GALK2: variants seen among roughly 807,000 people sequenced by gnomAD.
The protein encoded by GALK2 is galactokinase 2, also known as N-acetylgalactosamine kinase.
In GALK2, 36 loss-of-function variants were observed where a neutral mutation model predicts 52.4. That is an observed-to-expected ratio of 0.69 (90% CI 0.53 to 0.91). The LOEUF is 0.91. Ranked by LOEUF, GALK2 falls within the 40% of genes least tolerant of loss-of-function variation. The pLI, the probability that GALK2 is intolerant of heterozygous loss-of-function variation, is 0.00. For synonymous variants in GALK2, 176 were observed against 199.1 expected (o/e 0.88, Z 0.98); for missense variants, 579 against 559.1 (o/e 1.04, Z -0.36).
downstream of GALK2, chr15:49,334,282 T>C: frequency 1.0e-6 from 1 of 975,998 alleles, no homozygotes; most frequent in Non-Finnish European, 1.2e-6. Context: ...TCATTAATTC[T>C]GAGCTTTTCC....
chr15:49,303,496 A>G (rs1007722398), intron 8 of GALK2, among the ~76,000 whole-genome samples: 1 of 152,150 alleles, frequency 6.6e-6, no homozygotes, highest in Non-Finnish European at 1.5e-5. Context: ...GCCAGCAGAG[A>G]AGTAACAATG....
At chr15:49,233,559 T>C (rs570980328) in intron 3 of GALK2, among the ~76,000 whole-genome samples, 2 of 152,308 alleles carry the variant, frequency 1.3e-5, no homozygotes, top group African/African-American at 4.8e-5. Context: ...AAAATCTCTT[T>C]CTGTTTTTCT....
At chr15:49,192,497 A>ATATATATG (rs2086827725) in intron 1 of GALK2, among the ~76,000 whole-genome samples, 1 of 80,736 alleles carries the variant, frequency 1.2e-5, no homozygotes, top group Non-Finnish European at 2.7e-5. Flanking sequence ...ATATATATAT[A>ATATATATG]TATATATATA....
chr15:49,292,350 G>T lies in GALK2; in HGVS notation c.780G>T (p.Leu260Phe). The T allele has an allele frequency of 6.2e-7, 1 of 1,614,004 alleles. No homozygotes were observed. Among genetic ancestry groups the T allele is most frequent in the Non-Finnish European group, 8.5e-7 (1 of 1,179,950 alleles). The change falls in exon 8 of 10, where the codon TTG becomes TTT. Residue 260 changes from leucine to phenylalanine, a missense_variant. Transcript: ENST00000560031. ...AGCTCCTGGCTAAATACAAAAGCTT[G>T]CAATGGGACAAAGTACTGAGGCTGG... ...AAKLLAKYKSLQWDKVLRLEE... is the reference protein window; with the variant it reads ...AAKLLAKYKSFQWDKVLRLEE...
chr15:49,268,125 ATAGTT>A (rs765649392), intron 5 of GALK2, among the ~76,000 whole-genome samples: 2 of 152,200 alleles, frequency 1.3e-5, no homozygotes, highest in Non-Finnish European at 2.9e-5. Context: ...TTATCAACAA[ATAGTT>A]TAGGTATTAG....
intron 9 of GALK2, among the ~76,000 whole-genome samples, chr15:49,326,255 A>ATTTTTTTTTTT (rs35381509): frequency 9.9e-6 from 1 of 100,690 alleles, no homozygotes. Context: ...TATGACAACC[A>ATTTTTTTTTTT]TTTTTTTTTT....
intron 8 of GALK2, among the ~76,000 whole-genome samples, chr15:49,307,661 A>G (rs2035653770): frequency 6.6e-6 from 1 of 152,174 alleles, no homozygotes; most frequent in South Asian, 2.1e-4. Flanking sequence ...GAGTGAGGCA[A>G]AGGTTTTGAT....
At chr15:49,311,909 A>G (rs981720815) in intron 8 of GALK2, among the ~76,000 whole-genome samples, 3 of 152,204 alleles carry the variant, frequency 2.0e-5, no homozygotes, top group Non-Finnish European at 2.9e-5. Flanking sequence ...CTGTGGGCCA[A>G]TGGTAGGCAC....
chr15:49,232,568 T>C (rs2090561969), intron 3 of GALK2, among the ~76,000 whole-genome samples: 1 of 152,222 alleles, frequency 6.6e-6, no homozygotes, highest in Non-Finnish European at 1.5e-5. Flanking sequence ...ATGGCCAGCC[T>C]TCAAATTTTT....
chr15:49,339,196 A>G (rs8039064), intron 3 of GALK2, among the ~76,000 whole-genome samples: 144,851 of 152,180 alleles, frequency 0.95, 69,003 homozygotes, highest in African/African-American at 0.98. Flanking sequence ...GTGATTCTTT[A>G]GCAGAGAAGA....
intron 5 of GALK2, among the ~76,000 whole-genome samples, chr15:49,280,982 A>G (rs967664018): frequency 2.0e-5 from 3 of 152,172 alleles, no homozygotes; most frequent in Non-Finnish European, 2.9e-5. Flanking sequence ...GACTACGGGC[A>G]TGCACCACAA....
intron 5 of GALK2, among the ~76,000 whole-genome samples, chr15:49,260,231 C>T (rs932549385): frequency 3.3e-5 from 5 of 151,676 alleles, no homozygotes; most frequent in African/African-American, 1.2e-4. Flanking sequence ...TCCACATCCT[C>T]TCCAGCACCT....
chr15:49,156,045 G>A (rs1367137606), intron 1 of GALK2: 9 of 1,613,080 alleles, frequency 5.6e-6, no homozygotes, highest in Non-Finnish European at 7.6e-6. Context: ...TTGTACGTGT[G>A]CATTTAGCCC....
chr15:49,269,395 C>T (rs1024884345), intron 5 of GALK2, among the ~76,000 whole-genome samples: 1 of 152,122 alleles, frequency 6.6e-6, no homozygotes, highest in Non-Finnish European at 1.5e-5. Flanking sequence ...GCATAGGCCT[C>T]ATAAACATGG....
chr15:49,282,380 C>G (rs565074140), intron 6 of GALK2, among the ~76,000 whole-genome samples: 9 of 152,304 alleles, frequency 5.9e-5, no homozygotes, highest in African/African-American at 2.2e-4. Flanking sequence ...GATGAGCTTT[C>G]TCAATTCCCT....
chr15:49,326,034 T>C (rs956837544), intron 9 of GALK2, among the ~76,000 whole-genome samples: 4 of 152,266 alleles, frequency 2.6e-5, no homozygotes, highest in Admixed American at 2.0e-4. Flanking sequence ...TTTTAGAAGT[T>C]GGATTGAGGA....
rs138119828 is a variant in GALK2 at position 49,250,012 on chromosome 15, A to C, written c.504+10645A>C. Among the ~76,000 whole-genome samples, 139 of 152,314 alleles carry C rather than the reference A, an allele frequency of 9.1e-4. 5 individuals carry two copies. In the South Asian group the frequency reaches 0.028, roughly 30 times the overall value. ...AGAATGTGAGGTCCCGTACTAGCCA[A>C]TGGAAACCGGACATAGCAGTAGGGT... On this transcript the variant is annotated intron_variant, in intron 5 of 9. Transcript: ENST00000560031.
At chr15:49,182,989 T>C (rs1365465329) in intron 1 of GALK2, among the ~76,000 whole-genome samples, 1 of 152,200 alleles carries the variant, frequency 6.6e-6, no homozygotes, top group African/African-American at 2.4e-5. Flanking sequence ...TTTAACTTGA[T>C]GTGATCTGAT....
rs1235610823 is a variant in GALK2 at position 49,358,315 on chromosome 15, C to A, written c.427-9176C>A. Among the ~76,000 whole-genome samples the A allele has an allele frequency of 2.5e-5, 3 of 120,532 alleles. 1 individual carries two copies. Among genetic ancestry groups the A allele is most frequent in the Admixed American group, 1.6e-4 (2 of 12,830 alleles). 79.1% of individuals were successfully genotyped at this position (120,532 alleles called of 152,430 possible). On this transcript the variant is annotated intron_variant, in intron 3 of 3. Coordinates refer to the GALK2 transcript ENST00000558399. The stretch of plus-strand genomic sequence containing the variant: ...TCAAATTGTCCCTGTTTGCAGACGA[C>A]ATGATTGTGTATGTAGAAAACCCCA...
Sources: gnomAD v4.1 joint callset for allele counts (sites outside exome capture counted in the v4.1 genomes callset) on GRCh38, gnomAD v4.1.1 for gene constraint, MANE v1.5 for transcripts, NCBI Gene and HGNC (gene_info 2026-07-23, HGNC 2026-07-21) for gene names.